XKR5: variants seen among roughly 807,000 people sequenced by gnomAD.
XKR5 encodes XK related 5.
In XKR5, 46 loss-of-function variants were observed where a neutral mutation model predicts 40.8. That is an observed-to-expected ratio of 1.13 (90% CI 0.89 to 1.44). XKR5 has a LOEUF of 1.44. XKR5 is among the 40% of genes most tolerant of loss of function. The pLI, the probability that XKR5 is intolerant of heterozygous loss-of-function variation, is 0.00. For synonymous variants in XKR5, 466 were observed against 356.1 expected, an observed-to-expected ratio of 1.31 and a Z score of -3.48; for missense variants, 1,169 against 844.7, an observed-to-expected ratio of 1.38 and a Z score of -4.76.
chr8:6,817,108 C>T (rs1363667163), intron 5 of XKR5, among the ~76,000 whole-genome samples: 9 of 152,262 alleles, frequency 5.9e-5, no homozygotes, highest in Non-Finnish European at 2.9e-5. Context: ...GTCTTTCCCG[C>T]CATTTCCGTG....
At chr8:6,822,065 AG>A in intron 4 of XKR5, 27 bp from the exon 5 acceptor site, 1 of 1,584,118 alleles carries the variant, frequency 6.3e-7, no homozygotes, top group Non-Finnish European at 8.6e-7. Context: ...TGCAGACGTC[AG>A]GGTCCATGCA....
rs1288747978 is a variant in XKR5 at position 6,825,195 on chromosome 8, G to GA, written c.396dup (p.Leu133SerfsTer97). On this transcript the variant is annotated frameshift_variant, in exon 3 of 7. Transcript: ENST00000618742. LOFTEE classifies it high-confidence loss of function. Reference sequence around the variant, plus strand: ...ACAATATCTGTGAAGTCTGAGGCTAGAAAAACATATGTCTGAAGCAGCAGG... The same window carrying GA: ...ACAATATCTGTGAAGTCTGAGGCTAGAAAAAACATATGTCTGAAGCAGCAGG... 1.9e-6 allele frequency: 3 copies of GA among 1,613,494 alleles called. No homozygotes were observed. Among genetic ancestry groups the GA allele is most frequent in the East Asian group, 2.2e-5 (1 of 44,826 alleles).
rs1290396099 is a variant in XKR5 at position 6,823,576 on chromosome 8, C to G, written c.582G>C (p.Val194=). The G allele has an allele frequency of 1.3e-6, 2 of 1,596,650 alleles. No individual in the cohort carries two copies. The highest frequency in any genetic ancestry group is 4.5e-5 in the East Asian group (2 of 44,106). The change falls in exon 4 of 7, where the codon GTG becomes GTC. Residue 194 remains valine, a synonymous_variant. Transcript: ENST00000618742. The part of the protein sequence containing the change: ...LWRMGMLGTR[V]LSLVLFYKAY... Reference sequence around the variant, plus strand: ...CTTTGTAGAACAGAACCAGACTCAGCACGCGGGTTCCCAACATGCCCATCC... The same window carrying G: ...CTTTGTAGAACAGAACCAGACTCAGGACGCGGGTTCCCAACATGCCCATCC...
intron 2 of XKR5, among the ~76,000 whole-genome samples, chr8:6,831,256 G>A (rs1325915265): frequency 6.6e-6 from 1 of 152,210 alleles, no homozygotes; most frequent in Admixed American, 6.5e-5. Context: ...GAGGCCCTCC[G>A]AAAGATCCTT....
chr8:6,813,856 G>T (rs1803844358), intron 6 of XKR5, among the ~76,000 whole-genome samples: 2 of 152,226 alleles, frequency 1.3e-5, no homozygotes, highest in Non-Finnish European at 2.9e-5. Context: ...CCACTCTCAG[G>T]AGTGTGACAG....
intron 2 of XKR5, among the ~76,000 whole-genome samples, chr8:6,831,357 C>T (rs1200222422): frequency 6.6e-6 from 1 of 152,214 alleles, no homozygotes; most frequent in Admixed American, 6.5e-5. Flanking sequence ...GGCAAAATGC[C>T]TGTGGCTGCA....
In XKR5 at chr8:6,821,287, G is replaced by A. The variant is rs539744491; in HGVS notation, c.807+582C>T. Among the ~76,000 whole-genome samples, 5 of 152,342 alleles carry A rather than the reference G, an allele frequency of 3.3e-5. No homozygotes were observed. In the East Asian group the frequency reaches 9.6e-4, roughly 29 times the overall value. The stretch of plus-strand genomic sequence containing the variant: ...AGTGTCTGTGGTCATCCTGACGAGA[G>A]GTGATGCTGGCAGCTACTCCTATGA... On this transcript the variant is annotated intron_variant, in intron 5 of 6. Transcript: ENST00000618742.
At chr8:6,821,778 G>GCA (rs758667285) in intron 5 of XKR5, 91 bp downstream of exon 5, 135 of 1,130,578 alleles carry the variant, frequency 1.2e-4, no homozygotes, top group Middle Eastern at 2.2e-4. Context: ...GTGCATTGGT[G>GCA]CACACACACA....
rs535782579 is a variant in XKR5, at chr8:6,808,956, T to C, written c.*2242A>G. On this transcript the variant is annotated 3_prime_UTR_variant, in exon 7 of 7. Transcript: ENST00000618742. ...CGCCTACTTTTGCTGGACACTCTGC[T>C]GGACCTTGGAGTTAGCCCAGAAGGA... The C allele has an allele frequency of 1.3e-5, 2 of 152,358 alleles. No individual in the cohort carries two copies. The highest frequency in any genetic ancestry group is 4.8e-5 in the African/African-American group (2 of 41,564). The allele number at this position is 152,358 out of a possible 1,614,324, so 9.4% of individuals were successfully genotyped here. A position where few individuals can be genotyped will look rare whatever the true frequency, so the allele number is the denominator to read the frequency against.
At chr8:6,833,220 C>G (rs999637049) in intron 1 of XKR5, among the ~76,000 whole-genome samples, 4 of 152,200 alleles carry the variant, frequency 2.6e-5, no homozygotes, top group Non-Finnish European at 4.4e-5. Context: ...AGGGACCACC[C>G]TTATACCCCA....
chr8:6,813,050 G>A (rs574196987), intron 6 of XKR5, among the ~76,000 whole-genome samples: 44 of 152,320 alleles, frequency 2.9e-4, no homozygotes, highest in African/African-American at 1.1e-3. Context: ...TGGTTTCAGG[G>A]TGCTCATTAT....
Position 6,811,943 on chromosome 8 carries a change from C to T in XKR5, c.1316G>A (p.Ser439Asn), listed in dbSNP as rs1803723378. Residue 439 changes from serine (S) to asparagine (N), a missense_variant, in exon 7 of 7, where the codon AGT becomes AAT. Coordinates refer to ENST00000618742, the MANE Select transcript of XKR5 (RefSeq NM_207411.5). ...CTTTCTCTGCAGGTAGTCCTGTTGA[C>T]TCAACCCCCATGCAGGTGGACAATA... Reference protein sequence around the residue: ...PAYCPPAWGLSQQDYLQRKAL... With the variant: ...PAYCPPAWGLNQQDYLQRKAL... The T allele has an allele frequency of 6.5e-7, 1 of 1,537,370 alleles. No homozygotes were observed. Among genetic ancestry groups the T allele is most frequent in the Non-Finnish European group, 8.7e-7 (1 of 1,146,946 alleles).
intron 5 of XKR5, among the ~76,000 whole-genome samples, chr8:6,817,572 C>T (rs1037965806): frequency 6.6e-6 from 1 of 152,048 alleles, no homozygotes; most frequent in Non-Finnish European, 1.5e-5. Flanking sequence ...CCCTACGATG[C>T]TGACCTCAGT....
intron 5 of XKR5, among the ~76,000 whole-genome samples, chr8:6,817,088 C>T (rs1388301403): frequency 1.3e-5 from 2 of 152,186 alleles, no homozygotes; most frequent in Admixed American, 6.5e-5. Context: ...AACTCCGTCA[C>T]CTGCCTCCTG....
intron 5 of XKR5, 111 bp downstream of exon 5, chr8:6,821,758 A>G (rs973528165): frequency 6.6e-6 from 6 of 902,702 alleles, no homozygotes; most frequent in Middle Eastern, 2.5e-4. Context: ...TTCCTTTTCA[A>G]TAGATAGGTG....
rs1258018970 is a variant in XKR5 at position 6,810,982 on chromosome 8, G to C, written c.*216C>G. The C allele has an allele frequency of 4.8e-5, 24 of 501,338 alleles. No individual in the cohort carries two copies. The East Asian group carries it at 7.1e-4, about 15-fold the overall frequency. 31.1% of individuals were successfully genotyped at this position (501,338 alleles called of 1,614,324 possible). On this transcript the variant is annotated 3_prime_UTR_variant, in exon 7 of 7. Transcript: ENST00000618742. ...TTCTCCTCCTCTAAAGTATGTTAGA[G>C]TCTCTCCTATGCATGGGTGGGGTCT...
At chr8:6,829,924 G>A (rs1804682382) in intron 2 of XKR5, among the ~76,000 whole-genome samples, 1 of 128,738 alleles carries the variant, frequency 7.8e-6, no homozygotes, top group Non-Finnish European at 1.6e-5. Flanking sequence ...TGCAAGTTCC[G>A]CCTAACGGGT....
rs1215099433 is a variant in XKR5 at position 6,811,356 on chromosome 8, C to T, written c.1903G>A (p.Glu635Lys). 2 of 1,537,380 alleles carry T rather than the reference C, an allele frequency of 1.3e-6. No individual in the cohort carries two copies. Among genetic ancestry groups the T allele is most frequent in the South Asian group, 1.2e-5 (1 of 84,066 alleles). The change falls in exon 7 of 7, where the codon GAG becomes AAG. Residue 635 changes from glutamate to lysine, a missense_variant. By Grantham distance (56) the Glu-to-Lys change is moderately conservative. Coordinates refer to ENST00000618742, the MANE Select transcript of XKR5 (RefSeq NM_207411.5). ...ELEEPLEPKR[E>K]LSHHAAVGVW... ...CCAACAGCTGCATGGTGACTTAGCT[C>T]CCTTTTGGGCTCCAGCGGCTCCTCT...
At chr8:6,831,191 A>G (rs1022660543) in intron 2 of XKR5, among the ~76,000 whole-genome samples, 1 of 152,176 alleles carries the variant, frequency 6.6e-6, no homozygotes, top group African/African-American at 2.4e-5. Flanking sequence ...GGCTGGGCCG[A>G]TCAGGGAAGG....
Sources: gnomAD v4.1 joint callset for allele counts (sites outside exome capture counted in the v4.1 genomes callset) on GRCh38, gnomAD v4.1.1 for gene constraint, MANE v1.5 for transcripts, NCBI Gene and HGNC (gene_info 2026-07-23, HGNC 2026-07-21) for gene names.